Variants in SAMMSON observed in about 807,000 individuals in gnomAD.
SAMMSON encodes survival associated mitochondrial melanoma specific oncogenic non-coding RNA, also known as long intergenic non-protein coding RNA 1212.
At chr3:70,253,043 G>A (rs1439919192) in intron 6 of SAMMSON, among the ~76,000 whole-genome samples, 2 of 151,954 alleles carry the variant, frequency 1.3e-5, no homozygotes, top group South Asian at 2.1e-4. Flanking sequence ...TCACACCATT[G>A]TACTCCAGCC....
intron 4 of SAMMSON, among the ~76,000 whole-genome samples, chr3:70,245,436 T>C (rs1415720290): frequency 6.6e-6 from 1 of 151,546 alleles, no homozygotes; most frequent in Non-Finnish European, 1.5e-5. Flanking sequence ...AATCACAAAC[T>C]TGACTTTGAA....
chr3:70,002,929 A>T (rs2066911709), intron 1 of SAMMSON, among the ~76,000 whole-genome samples: 1 of 152,158 alleles, frequency 6.6e-6, no homozygotes, highest in African/African-American at 2.4e-5. Context: ...AGTTGGCCTG[A>T]TAGTAGCAGA....
intron 2 of SAMMSON, among the ~76,000 whole-genome samples, chr3:70,406,078 A>G (rs1293186857): frequency 6.6e-6 from 1 of 152,206 alleles, no homozygotes; most frequent in African/African-American, 2.4e-5. Flanking sequence ...AAAAAAATGT[A>G]AACTAATGCT....
intron 4 of SAMMSON, among the ~76,000 whole-genome samples, chr3:70,237,568 C>A (rs1391440369): frequency 6.6e-6 from 1 of 152,322 alleles, no homozygotes; most frequent in East Asian, 1.9e-4. Context: ...TTCAATCATT[C>A]AAGGACAGGC....
chr3:70,017,998 G>C (rs1467891206), intron 3 of SAMMSON, among the ~76,000 whole-genome samples: 1 of 152,140 alleles, frequency 6.6e-6, no homozygotes, highest in Non-Finnish European at 1.5e-5. Flanking sequence ...GTATTTTATT[G>C]AGGATTTTTG....
At chr3:70,150,126 C>G (rs1203095899) in intron 4 of SAMMSON, among the ~76,000 whole-genome samples, 1 of 151,960 alleles carries the variant, frequency 6.6e-6, no homozygotes, top group East Asian at 1.9e-4. Flanking sequence ...CATAATATGA[C>G]TGTAGAGGTT....
intron 6 of SAMMSON, among the ~76,000 whole-genome samples, chr3:70,265,997 T>G (rs1043282020): frequency 1.3e-5 from 2 of 152,162 alleles, no homozygotes; most frequent in South Asian, 2.1e-4. Flanking sequence ...ACATGAGATT[T>G]AGGTTGAGAC....
At chr3:70,378,241 C>T (rs1703037489) in intron 9 of SAMMSON, among the ~76,000 whole-genome samples, 1 of 151,704 alleles carries the variant, frequency 6.6e-6, no homozygotes, top group Non-Finnish European at 1.5e-5. Flanking sequence ...TAAATAATGT[C>T]TCACCCATAT....
At chr3:70,335,222 A>G (rs1000535147) in intron 7 of SAMMSON, among the ~76,000 whole-genome samples, 2 of 152,026 alleles carry the variant, frequency 1.3e-5, no homozygotes, top group African/African-American at 4.8e-5. Flanking sequence ...ACGCATTGCA[A>G]ATTCCTTGAG....
intron 2 of SAMMSON, among the ~76,000 whole-genome samples, chr3:70,416,157 A>G (rs1428660116): frequency 1.3e-5 from 2 of 152,200 alleles, no homozygotes; most frequent in African/African-American, 4.8e-5. Flanking sequence ...TTTCAATGGG[A>G]ACAATTTCTC....
intron 3 of SAMMSON, among the ~76,000 whole-genome samples, chr3:70,036,926 A>G (rs1327672643): frequency 6.6e-6 from 1 of 152,142 alleles, no homozygotes; most frequent in Non-Finnish European, 1.5e-5. Flanking sequence ...AGAGTAAAAG[A>G]AGGAAATATG....
intron 4 of SAMMSON, among the ~76,000 whole-genome samples, chr3:70,146,714 G>C (rs893527014): frequency 1.8e-4 from 28 of 151,932 alleles, no homozygotes; most frequent in African/African-American, 6.5e-4. Flanking sequence ...ACCTACTTAA[G>C]AGGCTGTCTT....
intron 5 of SAMMSON, chr3:70,249,467 G>A (rs1420969350): frequency 6.6e-6 from 1 of 152,044 alleles, no homozygotes; most frequent in Admixed American, 6.6e-5. Context: ...AAATAAATAA[G>A]CAGGATACAA....
At chr3:70,345,765 T>TG (rs1208318610) in intron 7 of SAMMSON, among the ~76,000 whole-genome samples, 1 of 152,032 alleles carries the variant, frequency 6.6e-6, no homozygotes, top group Non-Finnish European at 1.5e-5. Flanking sequence ...CAGACTGTTT[T>TG]TTTTAACTTA....
intron 6 of SAMMSON, among the ~76,000 whole-genome samples, chr3:70,272,815 A>G (rs192620445): frequency 1.7e-4 from 26 of 152,306 alleles, no homozygotes; most frequent in Admixed American, 1.6e-3. Context: ...TGTTTCACGA[A>G]GTTAGAATTT....
rs556202016 is a variant in SAMMSON, at chr3:70,221,799, T to C, written n.508-27308T>C. Among the ~76,000 whole-genome samples, 231 of 152,248 alleles carry C rather than the reference T, an allele frequency of 1.5e-3. 1 individual carries two copies. Among genetic ancestry groups the C allele is most frequent in the Non-Finnish European group, 2.5e-3 (172 of 68,024 alleles). On this transcript the variant is annotated intron_variant and non_coding_transcript_variant, in intron 4 of 9. Coordinates refer to ENST00000642114, the Ensembl canonical transcript of SAMMSON. The stretch of plus-strand genomic sequence containing the variant: ...ATATCGAGCATCATTGTTAAGGTGG[T>C]CTTGCCATTTACAGGACATTGCTAA...
intron 2 of SAMMSON, among the ~76,000 whole-genome samples, chr3:70,425,762 T>C (rs781261644): frequency 6.6e-6 from 1 of 152,140 alleles, no homozygotes; most frequent in Non-Finnish European, 1.5e-5. Context: ...TTATTAATTA[T>C]GGTAAAAGAC....
chr3:70,040,491 C>T (rs142203950), intron 3 of SAMMSON, among the ~76,000 whole-genome samples: 16 of 152,262 alleles, frequency 1.1e-4, no homozygotes, highest in African/African-American at 3.1e-4. Flanking sequence ...GAAAACAGCA[C>T]AGTGAGATAC....
chr3:70,384,082 G>A (rs1703100350), intron 9 of SAMMSON, among the ~76,000 whole-genome samples: 1 of 151,678 alleles, frequency 6.6e-6, no homozygotes, highest in African/African-American at 2.4e-5. Context: ...CAGAAAGCAA[G>A]GGCTAAAAAA....
Sources: allele counts gnomAD v4.1 joint callset (sites outside exome capture counted in the v4.1 genomes callset), GRCh38; gene constraint gnomAD v4.1.1; transcripts MANE v1.5; gene names NCBI Gene and HGNC (gene_info 2026-07-23, HGNC 2026-07-21).